The following ANKRD17 variants were observed in gnomAD, a reference collection of about 807,000 sequenced individuals.
ANKRD17 encodes ankyrin repeat domain-containing protein 17.
Under a neutral mutation model 229.7 loss-of-function variants are expected in ANKRD17, and 19 were observed. The observed-to-expected ratio is 0.08, with a 90% CI of 0.06 to 0.12. ANKRD17 has a LOEUF of 0.12. Among genes scored for constraint, ANKRD17 ranks in the 10% least tolerant of loss-of-function variants. The pLI is 1.00. For synonymous variants in ANKRD17, 1,112 were observed against 1,146.1 expected (o/e 0.97, Z 0.60); for missense variants, 2,176 against 3,176.8 (o/e 0.68, Z 7.57).
intron 25 of ANKRD17, chr4:73,100,749 T>A (rs2148603096): frequency 1.4e-6 from 1 of 698,254 alleles, no homozygotes; most frequent in Admixed American, 6.3e-5. Context: ...CATAGAGGTA[T>A]TTACCATATT....
At position 73,139,790 on chromosome 4, in the gene ANKRD17, C is replaced by T. The variant is rs1486451145; in HGVS notation, c.2826G>A (p.Gln942=). The T allele has an allele frequency of 6.2e-7, 1 of 1,614,230 alleles. No homozygotes were observed. Among genetic ancestry groups the T allele is most frequent in the Admixed American group, 1.7e-5 (1 of 60,028 alleles). The change falls in exon 15 of 34, where the codon CAG becomes CAA. Residue 942 remains glutamine, a synonymous_variant. Transcript: ENST00000358602. ...CAAAACCCATCTGAGCAGCAGTCTG[C>T]TGGGGTTCATCTTTAAGTAAAACAG... ...VDPVLLKDEP[Q]QTAAQMGFAP...
In ANKRD17 at chr4:73,077,514, G is replaced by T. The variant is rs1192743250; in HGVS notation, c.7428C>A (p.Asn2476Lys). 17 of 1,605,476 alleles carry T rather than the reference G, an allele frequency of 1.1e-5. No individual in the cohort carries two copies. The highest frequency in any genetic ancestry group is 1.4e-5 in the Non-Finnish European group (17 of 1,176,790). ...GGNQDKVDWC[N>K]PGMGNPMIHR... ...GGATCATAGGATTTCCCATCCCAGG[G>T]TTACACCAGTCTACTTTGTCTGAGG... is the stretch of plus-strand genomic sequence containing the variant. The change falls in exon 32 of 34, where the codon AAC becomes AAA. Residue 2476 changes from asparagine to lysine, a missense_variant. By Grantham distance (94) the Asn-to-Lys change is moderately conservative. Coordinates refer to ENST00000358602, the MANE Select transcript of ANKRD17 (RefSeq NM_032217.5).
intron 1 of ANKRD17, among the ~76,000 whole-genome samples, chr4:73,225,183 A>C (rs956418627): frequency 6.6e-6 from 1 of 152,182 alleles, no homozygotes; most frequent in East Asian, 1.9e-4. Context: ...CTTCAAATAA[A>C]CTGCTCCATC....
Position 73,076,216 on chromosome 4 carries a change from A to C in ANKRD17, c.*15T>G, listed in dbSNP as rs368984945. 23 of 1,601,672 alleles carry C rather than the reference A, an allele frequency of 1.4e-5. 1 individual carries two copies. The highest frequency in any genetic ancestry group is 1.1e-4 in the East Asian group (5 of 44,396). On this transcript the variant is annotated 3_prime_UTR_variant, in exon 34 of 34. Coordinates refer to ENST00000358602, the MANE Select transcript of ANKRD17 (RefSeq NM_032217.5). Reference sequence around the variant, plus strand: ...CAAATGAAAAGGAATCTGCAGGCTAACAAGCTGATCCTCATCAGCCAAGCT... The same window carrying C: ...CAAATGAAAAGGAATCTGCAGGCTACCAAGCTGATCCTCATCAGCCAAGCT...
At chr4:73,145,901 G>T (rs1183039190) in intron 10 of ANKRD17, among the ~76,000 whole-genome samples, 1 of 152,012 alleles carries the variant, frequency 6.6e-6, no homozygotes, top group Admixed American at 6.6e-5. Context: ...ATTACTGAAG[G>T]GGGGCTTGTT....
intron 14 of ANKRD17, 90 bp from the exon 15 acceptor site, chr4:73,140,373 G>T: frequency 7.4e-7 from 1 of 1,351,270 alleles, no homozygotes; most frequent in Non-Finnish European, 9.9e-7. Flanking sequence ...CAACAGTTAT[G>T]CACTAAGTAA....
intron 24 of ANKRD17, among the ~76,000 whole-genome samples, chr4:73,111,562 C>T (rs1281230303): frequency 6.6e-6 from 1 of 151,888 alleles, no homozygotes; most frequent in Admixed American, 6.6e-5. Flanking sequence ...ATATGTTGAC[C>T]CACATGAAGG....
At chr4:73,254,225 C>G (rs567359258) in intron 1 of ANKRD17, among the ~76,000 whole-genome samples, 1 of 152,232 alleles carries the variant, frequency 6.6e-6, no homozygotes, top group Admixed American at 6.5e-5. Flanking sequence ...TTCTTTCTCC[C>G]TCATTTTCAA....
chr4:73,226,583 C>T (rs937018378), intron 1 of ANKRD17, among the ~76,000 whole-genome samples: 8 of 151,764 alleles, frequency 5.3e-5, no homozygotes, highest in Non-Finnish European at 1.0e-4. Flanking sequence ...TTAGTAGAGA[C>T]GGGGTTTCAC....
At chr4:73,135,035 G>A (rs1728716612) in intron 16 of ANKRD17, 82 bp downstream of exon 16, 1 of 1,382,872 alleles carries the variant, frequency 7.2e-7, no homozygotes, top group Non-Finnish European at 9.9e-7. Flanking sequence ...AGTCTTTCAT[G>A]GTTTAAATCT....
chr4:73,149,536 G>C (rs1356886212), intron 7 of ANKRD17, among the ~76,000 whole-genome samples: 1 of 152,102 alleles, frequency 6.6e-6, no homozygotes, highest in Non-Finnish European at 1.5e-5. Flanking sequence ...TGCGTACATG[G>C]TACTTTCTAT....
intron 24 of ANKRD17, among the ~76,000 whole-genome samples, chr4:73,108,192 G>A (rs1353983687): frequency 6.6e-6 from 1 of 152,120 alleles, no homozygotes; most frequent in Non-Finnish European, 1.5e-5. Context: ...AATTAAGGAT[G>A]ATTTCAAGGT....
intron 12 of ANKRD17, 122 bp from the exon 13 acceptor site, chr4:73,142,507 C>T (rs577081946): frequency 2.2e-4 from 347 of 1,574,776 alleles, no homozygotes; most frequent in Non-Finnish European, 1.0e-4. Flanking sequence ...TGGTAAAGAA[C>T]GCTTCAAGTG....
chr4:73,147,230 A>T lies in ANKRD17; in HGVS notation c.1759+11T>A, dbSNP rs1481250072. The stretch of plus-strand genomic sequence containing the variant: ...ATGTAAAAAACTTCTCCCAAATGCA[A>T]AAATGCCTACCTGCAGCTAATAAGT... On this transcript the variant is annotated intron_variant, in intron 9 of 33. Transcript: ENST00000358602. 6.6e-7 allele frequency: 1 copy of T among 1,526,044 alleles called. No homozygotes were observed. Among genetic ancestry groups the T allele is most frequent in the Non-Finnish European group, 8.8e-7 (1 of 1,137,702 alleles). The allele number at this position is 1,526,044 out of a possible 1,614,324, so 94.5% of individuals were successfully genotyped here. A position where few individuals can be genotyped will look rare whatever the true frequency, so the allele number is the denominator to read the frequency against.
At chr4:73,114,647 T>C (rs1397732912) in intron 23 of ANKRD17, among the ~76,000 whole-genome samples, 2 of 152,080 alleles carry the variant, frequency 1.3e-5, no homozygotes. Flanking sequence ...AGTCTTATTC[T>C]TAGTATTATT....
At chr4:73,208,012 C>A (rs920300069) in intron 1 of ANKRD17, among the ~76,000 whole-genome samples, 3 of 151,948 alleles carry the variant, frequency 2.0e-5, no homozygotes. Flanking sequence ...CACGGTGAAA[C>A]CCCGTTTCCA....
At chr4:73,140,763 C>A (rs1193912802) in intron 14 of ANKRD17, among the ~76,000 whole-genome samples, 1 of 152,154 alleles carries the variant, frequency 6.6e-6, no homozygotes, top group African/African-American at 2.4e-5. Context: ...GTACCCAAAC[C>A]ACTAAGAAGT....
At chr4:73,085,674 C>T (rs1379013029) in intron 29 of ANKRD17, among the ~76,000 whole-genome samples, 1 of 148,280 alleles carries the variant, frequency 6.7e-6, no homozygotes, top group Admixed American at 6.7e-5. Context: ...CACATCGAGA[C>T]CCCACCTCAA....
intron 27 of ANKRD17, 127 bp from the exon 28 acceptor site, chr4:73,094,355 T>G (rs1723077322): frequency 1.2e-6 from 1 of 816,270 alleles, no homozygotes; most frequent in Admixed American, 2.7e-5. Context: ...ATAAGCCTCT[T>G]CTATTTACTC....
Sources: allele counts gnomAD v4.1 joint callset (sites outside exome capture counted in the v4.1 genomes callset), GRCh38; gene constraint gnomAD v4.1.1; transcripts MANE v1.5; gene names NCBI Gene and HGNC (gene_info 2026-07-23, HGNC 2026-07-21).